USP24: variants seen among roughly 807,000 people sequenced by gnomAD.
USP24 encodes the protein ubiquitin specific peptidase 24, also known as ubiquitin carboxyl-terminal hydrolase 24.
A neutral mutation model predicts 361.6 loss-of-function variants in USP24; 97 were observed. The observed-to-expected ratio is 0.27, with a 90% CI of 0.23 to 0.32. USP24 has a LOEUF of 0.32. Ranked by LOEUF, USP24 falls within the 10% of genes least tolerant of loss-of-function variation. The pLI, the probability that USP24 is intolerant of heterozygous loss-of-function variation, is 1.00. For synonymous variants in USP24, 1,098 were observed against 1,124.6 expected, an observed-to-expected ratio of 0.98 and a Z score of 0.47; for missense variants, 2,353 against 3,165.6, an observed-to-expected ratio of 0.74 and a Z score of 6.16.
At chr1:55,084,014 T>A in intron 56 of USP24, 126 bp from the exon 57 acceptor site, 1 of 733,822 alleles carries the variant, frequency 1.4e-6, no homozygotes, top group East Asian at 2.8e-5. Context: ...AGTCTCAGAT[T>A]CAGATGGACT....
intron 23 of USP24, 86 bp from the exon 24 acceptor site, chr1:55,141,817 A>C: frequency 1.6e-6 from 2 of 1,239,072 alleles, no homozygotes; most frequent in South Asian, 2.6e-5. Context: ...TTGCTGTTGC[A>C]GAGGGCTGTC....
intron 36 of USP24, among the ~76,000 whole-genome samples, chr1:55,122,745 A>T (rs917339858): frequency 3.9e-5 from 6 of 152,214 alleles, no homozygotes; most frequent in Non-Finnish European, 7.3e-5. Flanking sequence ...GTTTTTGGCC[A>T]GAGCAACCGG....
At chr1:55,088,795 GAAGTA>G (rs1025204497) in intron 55 of USP24, among the ~76,000 whole-genome samples, 28 of 152,290 alleles carry the variant, frequency 1.8e-4, no homozygotes, top group African/African-American at 6.3e-4. Context: ...AGGATGATCA[GAAGTA>G]AAGTGTAAAC....
chr1:55,066,639 G>C lies in USP24; in HGVS notation c.*2406C>G, dbSNP rs550945302. On this transcript the variant is annotated 3_prime_UTR_variant, in exon 68 of 68. Coordinates refer to ENST00000294383, the MANE Select transcript of USP24 (RefSeq NM_015306.3). ...TTCCTAAAACTGACTGTAGTTGTCA[G>C]TGACCGTGTGAGGACTCCAGGAGAA... 6.6e-6 allele frequency: 1 copy of C among 152,320 alleles called. No homozygotes were observed. The highest frequency in any genetic ancestry group is 1.9e-4 in the East Asian group (1 of 5,174). The allele number at this position is 152,320 out of a possible 1,614,324, so 9.4% of individuals were successfully genotyped here.
intron 21 of USP24, 94 bp from the exon 22 acceptor site, chr1:55,143,213 A>G: frequency 2.3e-6 from 2 of 879,560 alleles, no homozygotes; most frequent in Non-Finnish European, 1.6e-6. Flanking sequence ...ATGAGTCCAC[A>G]CCTCTTCAGT....
chr1:55,110,194 C>T lies in USP24; in HGVS notation c.4561G>A (p.Asp1521Asn). The T allele has an allele frequency of 6.4e-7, 1 of 1,551,354 alleles. No homozygotes were observed. The highest frequency in any genetic ancestry group is 8.7e-7 in the Non-Finnish European group (1 of 1,146,778). Residue 1521 changes from aspartate to asparagine, a missense_variant, in exon 39 of 68, where the codon GAT becomes AAT. Coordinates refer to ENST00000294383, the MANE Select transcript of USP24 (RefSeq NM_015306.3). ...YFDLRCQLLD[D>N]LTTSEMEQLR... The stretch of plus-strand genomic sequence containing the variant: ...TTAGTCATTTACTTACTTGTCAGAT[C>T]ATCTAATAACTGGCATCTCAAATCA...
chr1:55,203,403 G>C (rs947513972), intron 1 of USP24, among the ~76,000 whole-genome samples: 1 of 152,130 alleles, frequency 6.6e-6, no homozygotes, highest in African/African-American at 2.4e-5. Flanking sequence ...AAGCTGACAA[G>C]ACTTACCACC....
intron 66 of USP24, 83 bp from the exon 67 acceptor site, chr1:55,072,007 C>G: frequency 2.4e-6 from 3 of 1,244,572 alleles, no homozygotes; most frequent in Non-Finnish European, 3.4e-6. Context: ...TACCTTTCAT[C>G]TGACCTTCAG....
chr1:55,159,889 C>CTA (rs1230531907), intron 8 of USP24, among the ~76,000 whole-genome samples: 2 of 152,180 alleles, frequency 1.3e-5, no homozygotes, highest in Admixed American at 6.5e-5. Flanking sequence ...AGCTTCTTTA[C>CTA]TATAATATGA....
At chr1:55,127,316 T>G (rs1646460819) in intron 32 of USP24, among the ~76,000 whole-genome samples, 1 of 151,584 alleles carries the variant, frequency 6.6e-6, no homozygotes, top group African/African-American at 2.4e-5. Flanking sequence ...GAACATGCGG[T>G]GTTTGGTTTT....
intron 30 of USP24, among the ~76,000 whole-genome samples, chr1:55,133,638 CTTTTT>C (rs34336736): frequency 7.9e-5 from 10 of 126,818 alleles, no homozygotes; most frequent in Non-Finnish European, 1.4e-4. Flanking sequence ...CTCTCTCTCT[CTTTTT>C]TTTTTTTTTT....
At chr1:55,071,990 G>A in intron 66 of USP24, 66 bp from the exon 67 acceptor site, 1 of 1,379,794 alleles carries the variant, frequency 7.2e-7, no homozygotes, top group African/African-American at 1.4e-5. Flanking sequence ...CAACCGCCAG[G>A]GAAGACTACC....
chr1:55,071,197 A>T, intron 67 of USP24: 1 of 986,632 alleles, frequency 1.0e-6, no homozygotes, highest in South Asian at 4.7e-5. Flanking sequence ...CTGTGAAGGG[A>T]CCACAGAGGA....
Position 55,203,453 on chromosome 1 carries a change from A to G in USP24, c.324+11337T>C, listed in dbSNP as rs1428197195. 2.6e-5 allele frequency among the ~76,000 whole-genome samples: 4 copies of G among 152,230 alleles called. No homozygotes were observed. The South Asian group carries it at 6.2e-4, about 24-fold the overall frequency. ...GTCCCAGCTGTGAAACAAATAATCA[A>G]TTTTAATCCTTAAAGTTTCAACTGC... On this transcript the variant is annotated intron_variant, in intron 1 of 67. Transcript: ENST00000294383.
intron 1 of USP24, among the ~76,000 whole-genome samples, chr1:55,206,239 T>C (rs1644699648): frequency 6.6e-6 from 1 of 152,242 alleles, no homozygotes; most frequent in African/African-American, 2.4e-5. Context: ...GCTCAATGCC[T>C]AATGGGAATT....
At chr1:55,185,716 A>G (rs1644111303) in intron 1 of USP24, among the ~76,000 whole-genome samples, 3 of 137,884 alleles carry the variant, frequency 2.2e-5, no homozygotes, top group South Asian at 5.0e-4. Flanking sequence ...GCACACCACC[A>G]TACCTGGTTC....
chr1:55,106,091 G>A, intron 41 of USP24, 55 bp downstream of exon 41: 2 of 1,377,396 alleles, frequency 1.5e-6, no homozygotes, highest in Non-Finnish European at 2.1e-6. Context: ...TTTTGGGACT[G>A]AAGTTTCAAA....
chr1:55,123,515 T>C lies in USP24; in HGVS notation c.4208A>G (p.Asp1403Gly). ...CVRQQSVSTK[D>G]SLIAGEALSL... ...CAAAGCCTCTCCCGCAATCAGCGAG[T>C]CTTTGGTGGATACAGACTGTTGTCG... is the stretch of plus-strand genomic sequence containing the variant. Residue 1403 changes from aspartate (D) to glycine (G), a missense_variant, in exon 36 of 68, where the codon GAC becomes GGC. Coordinates refer to ENST00000294383, the MANE Select transcript of USP24 (RefSeq NM_015306.3). 6.2e-7 allele frequency: 1 copy of C among 1,604,224 alleles called. No homozygotes were observed. The highest frequency in any genetic ancestry group is 8.5e-7 in the Non-Finnish European group (1 of 1,175,512).
intron 60 of USP24, 117 bp from the exon 61 acceptor site, chr1:55,078,768 A>C (rs977303824): frequency 1.4e-6 from 1 of 711,022 alleles, no homozygotes; most frequent in African/African-American, 1.8e-5. Context: ...ACTGCCTGAA[A>C]ACAGGGTTTC....
Sources: allele counts gnomAD v4.1 joint callset (sites outside exome capture counted in the v4.1 genomes callset), GRCh38; gene constraint gnomAD v4.1.1; transcripts MANE v1.5; gene names NCBI Gene and HGNC (gene_info 2026-07-23, HGNC 2026-07-21).